ANKRD44: variants seen among roughly 807,000 people sequenced by gnomAD.
ANKRD44 encodes serine/threonine-protein phosphatase 6 regulatory ankyrin repeat subunit B.
ANKRD44 carries 35 observed loss-of-function variants against 116.0 expected under a neutral mutation model. That is an observed-to-expected ratio of 0.30 (90% confidence interval 0.23 to 0.40). The LOEUF (loss-of-function observed/expected upper bound fraction) is 0.40. ANKRD44 is among the 10% of genes least tolerant of loss of function. ANKRD44 has a pLI of 1.00. For missense variants in ANKRD44, 1,014 were observed against 1,242.6 expected, an observed-to-expected ratio of 0.82 and a Z score of 2.77; for synonymous variants, 435 against 461.8, an observed-to-expected ratio of 0.94 and a Z score of 0.74.
intron 3 of ANKRD44, among the ~76,000 whole-genome samples, 189 bp from the exon 4 acceptor site, chr2:197,136,851 A>C (rs1453760084): frequency 1.3e-5 from 2 of 152,230 alleles, no homozygotes; most frequent in African/African-American, 2.4e-5. Context: ...CTTTACCTAA[A>C]AATCTGGGAC....
chr2:197,111,732 TAAAAC>T (rs1447378035), intron 8 of ANKRD44, among the ~76,000 whole-genome samples: 9 of 144,146 alleles, frequency 6.2e-5, no homozygotes, highest in African/African-American at 2.1e-4. Flanking sequence ...TAAAATAAAA[TAAAAC>T]AAAAAAGAAA....
At chr2:197,106,859 C>T (rs13413519) in intron 9 of ANKRD44, among the ~76,000 whole-genome samples, 17,718 of 148,618 alleles carry the variant, frequency 0.12, 1,181 homozygotes, top group South Asian at 0.14. Context: ...AAAAGACAGA[C>T]TCTCTATTTG....
At chr2:196,998,496 C>G in intron 24 of ANKRD44, 77 bp from the exon 25 acceptor site, 1 of 974,628 alleles carries the variant, frequency 1.0e-6, no homozygotes, top group Non-Finnish European at 1.6e-6. Flanking sequence ...ACTACAAACA[C>G]AATAACATAT....
intron 2 of ANKRD44, among the ~76,000 whole-genome samples, chr2:197,180,680 G>A (rs1205402830): frequency 1.3e-5 from 2 of 152,192 alleles, no homozygotes; most frequent in East Asian, 1.9e-4. Context: ...TAAAAAGCTG[G>A]GCTACATAGT....
intron 1 of ANKRD44, among the ~76,000 whole-genome samples, chr2:197,293,347 A>G (rs2083623335): frequency 6.6e-6 from 1 of 152,202 alleles, no homozygotes; most frequent in Admixed American, 6.5e-5. Flanking sequence ...AGAAGTGAAG[A>G]GAAATTCAGT....
At chr2:197,150,147 G>T (rs2079604801) in intron 2 of ANKRD44, among the ~76,000 whole-genome samples, 1 of 152,112 alleles carries the variant, frequency 6.6e-6, no homozygotes, top group South Asian at 2.1e-4. Flanking sequence ...CCATTTAAAA[G>T]ATAAAGAATC....
intron 1 of ANKRD44, among the ~76,000 whole-genome samples, chr2:197,209,216 C>T (rs1285373162): frequency 6.6e-6 from 1 of 152,196 alleles, no homozygotes; most frequent in African/African-American, 2.4e-5. Flanking sequence ...ACTCTGACTT[C>T]ATAGCAACTC....
chr2:197,153,763 G>C, intron 2 of ANKRD44, among the ~76,000 whole-genome samples: 1 of 152,098 alleles, frequency 6.6e-6, no homozygotes, highest in Non-Finnish European at 1.5e-5. Context: ...TACTTTTAGG[G>C]ATAAAAGTGC....
At chr2:197,082,288 C>T (rs925904002) in intron 14 of ANKRD44, among the ~76,000 whole-genome samples, 6 of 152,160 alleles carry the variant, frequency 3.9e-5, no homozygotes, top group Admixed American at 3.9e-4. Context: ...TAAGCAATGT[C>T]TGTTTATAAC....
chr2:197,293,968 G>A (rs570439728), intron 1 of ANKRD44, among the ~76,000 whole-genome samples: 3 of 152,302 alleles, frequency 2.0e-5, no homozygotes, highest in African/African-American at 7.2e-5. Flanking sequence ...TATAAGTGCT[G>A]TTTAAGAACA....
At chr2:197,194,423 T>C (rs2080898406) in intron 1 of ANKRD44, among the ~76,000 whole-genome samples, 1 of 152,252 alleles carries the variant, frequency 6.6e-6, no homozygotes, top group South Asian at 2.1e-4. Context: ...TAGTTACACC[T>C]TTCTTTTGTG....
intron 10 of ANKRD44, among the ~76,000 whole-genome samples, chr2:197,094,552 A>G (rs2078118132): frequency 6.6e-6 from 1 of 152,246 alleles, no homozygotes; most frequent in Non-Finnish European, 1.5e-5. Context: ...AAAGCCAAGA[A>G]TGAATCATGA....
At chr2:197,085,614 C>G (rs1278587066) in intron 13 of ANKRD44, among the ~76,000 whole-genome samples, 2 of 152,098 alleles carry the variant, frequency 1.3e-5, no homozygotes, top group African/African-American at 4.8e-5. Flanking sequence ...CCCACCAGCC[C>G]CATGACAGTT....
intron 16 of ANKRD44, among the ~76,000 whole-genome samples, chr2:197,062,727 T>C (rs1170466538): frequency 2.1e-4 from 32 of 152,188 alleles, no homozygotes; most frequent in African/African-American, 4.8e-5. Flanking sequence ...ATTGCTAGCA[T>C]AGCAGTCTAA....
Position 197,007,883 on chromosome 2 carries a change from C to T in ANKRD44, c.2053G>A (p.Ala685Thr), listed in dbSNP as rs769745487. Residue 685 changes from alanine to threonine, a missense_variant, in exon 20 of 28, where the codon GCT (alanine) becomes ACT (threonine). Transcript: ENST00000282272. ...TCCTTTTCAAGTAACAATGAAACAG[C>T]GTCAATATGTCCATATGCTACTGCA... The part of the protein sequence containing the change: ...MLAVAYGHID[A>T]VSLLLEKEAN... 33 of 1,613,822 alleles carry T rather than the reference C, an allele frequency of 2.0e-5. No homozygotes were observed. Among genetic ancestry groups the T allele is most frequent in the East Asian group, 2.0e-4 (9 of 44,874 alleles).
At position 196,988,499 on chromosome 2, in the gene ANKRD44, C is replaced by G; in HGVS notation, c.*1092G>C. The G allele has an allele frequency of 3.0e-6, 3 of 985,302 alleles. No homozygotes were observed. Among genetic ancestry groups the G allele is most frequent in the Non-Finnish European group, 2.4e-6 (2 of 829,872 alleles). 61.0% of individuals were successfully genotyped at this position (985,302 alleles called of 1,614,324 possible). A position where few individuals can be genotyped will look rare whatever the true frequency, so the allele number is the denominator to read the frequency against. On this transcript the variant is annotated 3_prime_UTR_variant, in exon 28 of 28. Transcript: ENST00000282272. ...ATACCAGTTCAATAAATCCTTTGAACAAGTTCTCATTTGTGAAGAACCCAA... is the reference window on the plus strand; with the variant it reads ...ATACCAGTTCAATAAATCCTTTGAAGAAGTTCTCATTTGTGAAGAACCCAA...
chr2:197,118,670 A>AGAAAGAAAGAAG (rs752322121), intron 8 of ANKRD44, among the ~76,000 whole-genome samples: 4,833 of 151,462 alleles, frequency 0.032, 97 homozygotes, highest in Non-Finnish European at 0.046. Context: ...AAAGAAAGAA[A>AGAAAGAAAGAAG]GAAAGAAAAA....
chr2:197,004,962 A>C (rs2076176414), intron 21 of ANKRD44, among the ~76,000 whole-genome samples: 3 of 152,284 alleles, frequency 2.0e-5, no homozygotes, highest in South Asian at 4.1e-4. Context: ...TTGACTTGTA[A>C]GAATATCTGC....
At chr2:197,053,266 T>G (rs7601193) in intron 16 of ANKRD44, among the ~76,000 whole-genome samples, 109,493 of 151,952 alleles carry the variant, frequency 0.72, 40,859 homozygotes, top group East Asian at 0.86. Flanking sequence ...AAAAAGACTG[T>G]GAGAAAATAA....
Sources: gnomAD v4.1 joint callset for allele counts (sites outside exome capture counted in the v4.1 genomes callset) on GRCh38, gnomAD v4.1.1 for gene constraint, MANE v1.5 for transcripts, NCBI Gene and HGNC (gene_info 2026-07-23, HGNC 2026-07-21) for gene names.